Variants in DPY19L1 observed in about 807,000 individuals in gnomAD.
DPY19L1 encodes the protein protein C-mannosyl-transferase DPY19L1.
In DPY19L1, 35 loss-of-function variants were observed where a neutral mutation model predicts 96.9. The observed-to-expected ratio is 0.36, with a 90% CI of 0.28 to 0.48. DPY19L1 has a LOEUF of 0.48. Among genes scored for constraint, DPY19L1 ranks in the 20% least tolerant of loss-of-function variants. DPY19L1 has a pLI of 0.99. For synonymous variants in DPY19L1, 205 were observed against 252.6 expected, an observed-to-expected ratio of 0.81 and a Z score of 1.79; for missense variants, 521 against 777.9, an observed-to-expected ratio of 0.67 and a Z score of 3.93.
intron 7 of DPY19L1, among the ~76,000 whole-genome samples, chr7:34,975,769 A>T (rs1784818128): frequency 6.6e-6 from 1 of 152,138 alleles, no homozygotes; most frequent in African/African-American, 2.4e-5. Context: ...CATTCTAAAA[A>T]TCCTAGGACC....
At chr7:35,003,942 T>C (rs1346093880) in intron 6 of DPY19L1, among the ~76,000 whole-genome samples, 1 of 152,222 alleles carries the variant, frequency 6.6e-6, no homozygotes, top group African/African-American at 2.4e-5. Context: ...TCCTTTTCTC[T>C]GCTGTGGCCT....
chr7:35,026,912 G>T (rs1438901596), intron 1 of DPY19L1, among the ~76,000 whole-genome samples: 1 of 152,074 alleles, frequency 6.6e-6, no homozygotes, highest in Non-Finnish European at 1.5e-5. Context: ...AAAGTGAGGG[G>T]TTGGCCAGGC....
intron 1 of DPY19L1, among the ~76,000 whole-genome samples, chr7:35,029,542 TC>T (rs1245368454): frequency 6.6e-6 from 1 of 152,196 alleles, no homozygotes; most frequent in Non-Finnish European, 1.5e-5. Context: ...ATTGCAAGCT[TC>T]CCCTGGGTAT....
chr7:35,017,759 G>T, intron 3 of DPY19L1, 123 bp downstream of exon 3: 1 of 571,502 alleles, frequency 1.7e-6, no homozygotes, highest in Non-Finnish European at 2.8e-6. Flanking sequence ...GTGGCTGTCA[G>T]CTGTAGAAGG....
chr7:34,975,851 C>G (rs1438222000), intron 7 of DPY19L1, among the ~76,000 whole-genome samples: 1 of 152,208 alleles, frequency 6.6e-6, no homozygotes, highest in Non-Finnish European at 1.5e-5. Context: ...GACTGCACAT[C>G]TGTTTTAGCA....
chr7:34,983,030 A>T (rs1255764420), intron 7 of DPY19L1, among the ~76,000 whole-genome samples: 1 of 152,224 alleles, frequency 6.6e-6, no homozygotes, highest in Admixed American at 6.5e-5. Flanking sequence ...GAAAAAAGAA[A>T]TCACTGTAAT....
chr7:34,983,051 C>G (rs2128670680), intron 7 of DPY19L1, among the ~76,000 whole-genome samples: 1 of 152,316 alleles, frequency 6.6e-6, no homozygotes, highest in South Asian at 2.1e-4. Context: ...TCATTTGAAA[C>G]TGGAAGTAAA....
chr7:34,980,420 G>A (rs1345285083), intron 7 of DPY19L1, among the ~76,000 whole-genome samples: 1 of 151,780 alleles, frequency 6.6e-6, no homozygotes, highest in African/African-American at 2.4e-5. Flanking sequence ...ACTGATAAAT[G>A]GAACTTCATG....
At chr7:35,006,598 T>C (rs1320006942) in intron 6 of DPY19L1, among the ~76,000 whole-genome samples, 1 of 152,112 alleles carries the variant, frequency 6.6e-6, no homozygotes, top group Non-Finnish European at 1.5e-5. Flanking sequence ...ATAACGTAAG[T>C]ATAAATCAAT....
rs1365160990 is a variant in DPY19L1, at chr7:34,930,019, T to C, written c.*1554A>G. 4 of 152,254 alleles carry C rather than the reference T, an allele frequency of 2.6e-5. No individual in the cohort carries two copies. Among genetic ancestry groups the C allele is most frequent in the African/African-American group, 4.8e-5 (2 of 41,438 alleles). The allele number at this position is 152,254 out of a possible 1,614,324, so 9.4% of individuals were successfully genotyped here. A position where few individuals can be genotyped will look rare whatever the true frequency, so the allele number is the denominator to read the frequency against. On this transcript the variant is annotated 3_prime_UTR_variant, in exon 22 of 22. Coordinates refer to ENST00000638088, the MANE Select transcript of DPY19L1 (RefSeq NM_001366673.1). ...CAGCTGACTTATGTCAGCAAGCTGC[T>C]GCTTCCCCGGGACCAGGCCTGCCCT...
intron 21 of DPY19L1, among the ~76,000 whole-genome samples, chr7:34,937,292 A>G (rs1290192012): frequency 6.6e-6 from 1 of 152,158 alleles, no homozygotes. Context: ...GGAAAGAAAA[A>G]TTTCATTCTG....
intron 1 of DPY19L1, among the ~76,000 whole-genome samples, chr7:35,021,131 C>A (rs1243108028): frequency 2.6e-5 from 4 of 152,162 alleles, no homozygotes; most frequent in African/African-American, 9.7e-5. Context: ...CTAAACAATT[C>A]TGGTAAATGG....
intron 1 of DPY19L1, among the ~76,000 whole-genome samples, chr7:35,027,795 G>A (rs183089861): frequency 5.9e-5 from 9 of 151,822 alleles, no homozygotes; most frequent in Non-Finnish European, 1.2e-4. Context: ...CCAAAATTGC[G>A]CCATTGCACT....
At chr7:35,021,403 C>T (rs1335774832) in intron 1 of DPY19L1, among the ~76,000 whole-genome samples, 1 of 152,106 alleles carries the variant, frequency 6.6e-6, no homozygotes, top group African/African-American at 2.4e-5. Flanking sequence ...AAGGACAACA[C>T]TTGGAGTTCC....
rs1168209800 is a variant in DPY19L1 at position 35,004,244 on chromosome 7, G to GA, written c.764+6223dup. On this transcript the variant is annotated intron_variant, in intron 6 of 21. Transcript: ENST00000638088. Reference sequence around the variant, plus strand: ...CTCAGCTGCGCTCCTGACAGCCTCAGAAAGTTCCCTCAGGGAACCTAAAGA... The same window carrying GA: ...CTCAGCTGCGCTCCTGACAGCCTCAGAAAAGTTCCCTCAGGGAACCTAAAGA... 2.6e-5 allele frequency among the ~76,000 whole-genome samples: 4 copies of GA among 152,298 alleles called. No homozygotes were observed. The East Asian group carries it at 7.7e-4, about 29-fold the overall frequency.
intron 10 of DPY19L1, among the ~76,000 whole-genome samples, chr7:34,962,778 T>C (rs1395472499): frequency 6.6e-6 from 1 of 152,110 alleles, no homozygotes; most frequent in East Asian, 1.9e-4. Flanking sequence ...GATTCTGATG[T>C]GTGATGTAGG....
At chr7:35,036,354 T>C (rs1214396453) in intron 1 of DPY19L1, among the ~76,000 whole-genome samples, 1 of 151,962 alleles carries the variant, frequency 6.6e-6, no homozygotes, top group Non-Finnish European at 1.5e-5. Context: ...TTATCAAAAT[T>C]CAACCAGGAA....
intron 10 of DPY19L1, among the ~76,000 whole-genome samples, chr7:34,962,477 C>T (rs1485812332): frequency 1.3e-5 from 2 of 152,172 alleles, no homozygotes; most frequent in Admixed American, 6.5e-5. Flanking sequence ...CACAGAAGAG[C>T]TTTATGGCTG....
chr7:34,973,712 G>T, intron 7 of DPY19L1, 107 bp from the exon 8 acceptor site: 1 of 557,946 alleles, frequency 1.8e-6, no homozygotes, highest in Non-Finnish European at 2.7e-6. Context: ...TAATTTAAAC[G>T]GTGTGTTGTA....
Sources: allele counts gnomAD v4.1 joint callset (sites outside exome capture counted in the v4.1 genomes callset), GRCh38; gene constraint gnomAD v4.1.1; transcripts MANE v1.5; gene names NCBI Gene and HGNC (gene_info 2026-07-23, HGNC 2026-07-21).